The following BRSK1 variants were observed in gnomAD, a reference collection of about 807,000 sequenced individuals.
BRSK1 encodes the protein BR serine/threonine kinase 1.
In BRSK1, 17 loss-of-function variants were observed where a neutral mutation model predicts 86.2. That is an observed-to-expected ratio of 0.20 (90% CI 0.14 to 0.30). The LOEUF is 0.30. Among genes scored for constraint, BRSK1 ranks in the 10% least tolerant of loss-of-function variants. The pLI, the probability that BRSK1 is intolerant of heterozygous loss-of-function variation, is 1.00. For missense variants in BRSK1, 719 were observed against 1,071.9 expected, an observed-to-expected ratio of 0.67 and a Z score of 4.60; for synonymous variants, 464 against 440.1, an observed-to-expected ratio of 1.05 and a Z score of -0.68.
chr19:55,293,863 T>C (rs1361784270), intron 4 of BRSK1, among the ~76,000 whole-genome samples, 154 bp from the exon 5 acceptor site: 1 of 152,120 alleles, frequency 6.6e-6, no homozygotes. Flanking sequence ...TAAAAATTTT[T>C]AAAAAGACCA....
chr19:55,288,927 C>G (rs186879621), intron 3 of BRSK1, among the ~76,000 whole-genome samples: 6 of 152,208 alleles, frequency 3.9e-5, no homozygotes, highest in African/African-American at 1.4e-4. Flanking sequence ...TGGGAGTTGT[C>G]GTCTATTGCC....
At position 55,303,228 on chromosome 19, in the gene BRSK1, A is replaced by AG. The variant is rs942284452; in HGVS notation, c.1029-82dup. ...TGGAACCATGGGCAGAAATACAGGG[A>AG]GCGGAGGAGACCTCCTCTGAGCATT... On this transcript the variant is annotated intron_variant, in intron 10 of 18. Coordinates refer to ENST00000309383, the MANE Select transcript of BRSK1 (RefSeq NM_032430.2). The surrounding 1 kb of genome is among the most constrained non-coding windows in gnomAD (Gnocchi z 5.1). The AG allele has an allele frequency of 3.7e-6, 4 of 1,078,730 alleles. No homozygotes were observed. In the African/African-American group the frequency reaches 6.2e-5, roughly 17 times the overall value. 66.8% of individuals were successfully genotyped at this position (1,078,730 alleles called of 1,614,324 possible).
At position 55,284,480 on chromosome 19, in the gene BRSK1, C is replaced by G; in HGVS notation, c.38C>G (p.Pro13Arg). ...GCCAAGGAGGGAGGTGGGGGCTCTC[C>G]CGCCTACCACCTCCCCCACCCCCAC... is the stretch of plus-strand genomic sequence containing the variant. Reference protein sequence around the residue: ...SGAKEGGGGSPAYHLPHPHPH... With the variant: ...SGAKEGGGGSRAYHLPHPHPH... Residue 13 changes from proline (P) to arginine (R), a missense_variant, in exon 1 of 19, where the codon CCC becomes CGC. Pro to Arg is a moderately radical substitution (Grantham distance 103). Transcript: ENST00000309383. 1 of 1,305,538 alleles carries G rather than the reference C, an allele frequency of 7.7e-7. No individual in the cohort carries two copies. The highest frequency in any genetic ancestry group is 1.0e-6 in the Non-Finnish European group (1 of 995,118). 80.9% of individuals were successfully genotyped at this position (1,305,538 alleles called of 1,614,324 possible).
chr19:55,293,584 G>A (rs1201653845), intron 4 of BRSK1, among the ~76,000 whole-genome samples: 4 of 151,614 alleles, frequency 2.6e-5, no homozygotes, highest in African/African-American at 9.7e-5. Context: ...AGGCCAAGGC[G>A]GGCGGATCAT....
chr19:55,288,310 T>C (rs529729157), intron 3 of BRSK1, among the ~76,000 whole-genome samples: 30 of 151,958 alleles, frequency 2.0e-4, no homozygotes, highest in Admixed American at 2.0e-3. Context: ...ACCCCGTCTC[T>C]ACAAAAAATA....
At position 55,305,480 on chromosome 19, in the gene BRSK1, G is replaced by C; in HGVS notation, c.1784G>C (p.Trp595Ser). The change falls in exon 16 of 19, where the codon TGG becomes TCG. Residue 595 changes from tryptophan to serine, a missense_variant. Trp to Ser is a radical substitution (Grantham distance 177). Around this residue, in one of 6 missense-constraint regions of BRSK1, gnomAD observed 180 missense variants for 259.4 expected, o/e 0.69. Transcript: ENST00000309383. The stretch of plus-strand genomic sequence containing the variant: ...CCACTCAGGCTGGCAAAACGCTCCT[G>C]GTTCGGGAACTTCATCTCCTTGGAC... ...ESSPELAKRS[W>S]FGNFISLDKE... 6.2e-7 allele frequency: 1 copy of C among 1,614,174 alleles called. No homozygotes were observed. The highest frequency in any genetic ancestry group is 8.5e-7 in the Non-Finnish European group (1 of 1,180,018).
chr19:55,288,444 A>G (rs2088353680), intron 3 of BRSK1, among the ~76,000 whole-genome samples: 1 of 143,984 alleles, frequency 6.9e-6, no homozygotes, highest in Non-Finnish European at 1.5e-5. Flanking sequence ...ACTGCATTCC[A>G]GCGTGGGCGA....
In BRSK1 at chr19:55,294,276, G is replaced by A. The variant is rs772127628; in HGVS notation, c.609+29G>A. 12 of 1,614,124 alleles carry A rather than the reference G, an allele frequency of 7.4e-6. No homozygotes were observed. Among genetic ancestry groups the A allele is most frequent in the South Asian group, 3.3e-5 (3 of 91,076 alleles). ...AGTGAGGGGCGGATAGAGGGGAGAGGGGTGGAGGCAGCAGTGAGGAGCGAT... is the reference window on the plus strand; with the variant it reads ...AGTGAGGGGCGGATAGAGGGGAGAGAGGTGGAGGCAGCAGTGAGGAGCGAT... On this transcript the variant is annotated intron_variant, in intron 6 of 18. Coordinates refer to ENST00000309383, the MANE Select transcript of BRSK1 (RefSeq NM_032430.2). The surrounding 1 kb of genome is among the most constrained non-coding windows in gnomAD (Gnocchi z 4.9).
intron 7 of BRSK1, among the ~76,000 whole-genome samples, chr19:55,299,530 C>T (rs979334530): frequency 2.0e-5 from 3 of 151,622 alleles, no homozygotes; most frequent in Non-Finnish European, 2.9e-5. Context: ...GGATTACAGG[C>T]GCCCGCCACT....
Position 55,303,273 on chromosome 19 carries a change from C to T in BRSK1, c.1029-38C>T, listed in dbSNP as rs1160917513. The T allele has an allele frequency of 6.5e-7, 1 of 1,533,808 alleles. No individual in the cohort carries two copies. Among genetic ancestry groups the T allele is most frequent in the African/African-American group, 1.4e-5 (1 of 73,292 alleles). ...AGCATTGATGTTGGACCTCAGCCCT[C>T]TGCTACCTCTTTCCACCTTTCCCAC... On this transcript the variant is annotated intron_variant, in intron 10 of 18. Transcript: ENST00000309383. This position sits in a 1 kb window ranked among gnomAD's most constrained non-coding sequence, Gnocchi z 5.1.
At chr19:55,295,568 C>A (rs1405503188) in intron 7 of BRSK1, among the ~76,000 whole-genome samples, 1 of 152,182 alleles carries the variant, frequency 6.6e-6, no homozygotes, top group South Asian at 2.1e-4. Flanking sequence ...ATGGGATAGT[C>A]TCCAGGAAGA....
rs536845893 is a variant in BRSK1, at chr19:55,303,033, A to G, written c.1028+166A>G. On this transcript the variant is annotated intron_variant, in intron 10 of 18. Coordinates refer to ENST00000309383, the MANE Select transcript of BRSK1 (RefSeq NM_032430.2). This position sits in a 1 kb window ranked among gnomAD's most constrained non-coding sequence, Gnocchi z 5.1. ...CCAGCGGAGAAAACGGCCCAGAAAC[A>G]CGCTGAGAAAGTATTAATAGATGCT... The G allele has an allele frequency of 1.2e-6, 1 of 823,846 alleles. No individual in the cohort carries two copies. Among genetic ancestry groups the G allele is most frequent in the Admixed American group, 2.9e-5 (1 of 34,236 alleles). The allele number at this position is 823,846 out of a possible 1,614,324, so 51.0% of individuals were successfully genotyped here. A position where few individuals can be genotyped will look rare whatever the true frequency, so the allele number is the denominator to read the frequency against.
chr19:55,312,443 C>G lies in BRSK1; in HGVS notation c.*375C>G, dbSNP rs560400837. 97 of 186,632 alleles carry G rather than the reference C, an allele frequency of 5.2e-4. No homozygotes were observed. Among genetic ancestry groups the G allele is most frequent in the Middle Eastern group, 3.9e-3 (2 of 516 alleles). The allele number at this position is 186,632 out of a possible 1,614,324, so 11.6% of individuals were successfully genotyped here. On this transcript the variant is annotated 3_prime_UTR_variant, in exon 19 of 19. Transcript: ENST00000309383. ...GGGCCCCTCCTCCCCTGGTCCTCCC[C>G]CCACGACCTTCTGTACGGATTTGCT...
chr19:55,304,800 G>A lies in BRSK1; in HGVS notation c.1597G>A (p.Gly533Arg), dbSNP rs922321204. ...TPRASPTGTP[G>R]TTPPPSPGGG... is the part of the protein sequence containing the mutation. ...CCGGGCCAGTCCCACCGGGACCCCG[G>A]GGACAACACCACCCCCCAGCCCCGG... The change falls in exon 14 of 19, where the codon GGG (glycine) becomes AGG (arginine). Residue 533 changes from glycine (G) to arginine (R), a missense_variant. Physicochemically the swap from Gly to Arg is moderately radical, Grantham distance 125 (BLOSUM62 -2). Around this residue, in one of 6 missense-constraint regions of BRSK1, gnomAD observed 143 missense variants for 120.1 expected, o/e 1.19. Transcript: ENST00000309383. This position sits in a 1 kb window ranked among gnomAD's most constrained non-coding sequence, Gnocchi z 5.2. The A allele has an allele frequency of 1.3e-6, 2 of 1,572,224 alleles. No homozygotes were observed. Among genetic ancestry groups the A allele is most frequent in the Admixed American group, 1.9e-5 (1 of 53,658 alleles).
In BRSK1 at chr19:55,302,797, C is replaced by T; in HGVS notation, c.958C>T (p.Leu320=). The T allele has an allele frequency of 1.2e-6, 2 of 1,613,898 alleles. No individual in the cohort carries two copies. Among genetic ancestry groups the T allele is most frequent in the East Asian group, 2.2e-5 (1 of 44,880 alleles). The change falls in exon 10 of 19, where the codon CTA becomes TTA. Residue 320 remains leucine, a synonymous_variant. Transcript: ENST00000309383. This position sits in a 1 kb window ranked among gnomAD's most constrained non-coding sequence, Gnocchi z 6.3. ...CAACGGAGAGCTGGACCCCGACGTC[C>T]TAGAGAGCATGGCATCACTGGGCTG... is the stretch of plus-strand genomic sequence containing the variant. ...PSNGELDPDV[L]ESMASLGCFR... is the part of the protein sequence containing the mutation.
chr19:55,299,726 A>C lies in BRSK1; in HGVS notation c.679-1786A>C, dbSNP rs1600183017. Among the ~76,000 whole-genome samples the C allele has an allele frequency of 2.6e-5, 4 of 152,068 alleles. No homozygotes were observed. The East Asian group carries it at 7.7e-4, about 29-fold the overall frequency. On this transcript the variant is annotated intron_variant, in intron 7 of 18. Transcript: ENST00000309383. ...TAATCCAGACCGTACCCTTCCTGGCAGGATCATTATGTCCGTTTCACAGAG... is the reference window on the plus strand; with the variant it reads ...TAATCCAGACCGTACCCTTCCTGGCCGGATCATTATGTCCGTTTCACAGAG...
In BRSK1 at chr19:55,302,766, G is replaced by C. The variant is rs138976142; in HGVS notation, c.927G>C (p.Leu309=). The C allele has an allele frequency of 6.2e-7, 1 of 1,613,796 alleles. No homozygotes were observed. The highest frequency in any genetic ancestry group is 8.5e-7 in the Non-Finnish European group (1 of 1,179,940). ...APGRRVAMRS[L]PSNGELDPDV... ...GCCGCCGGGTAGCCATGCGGAGCCT[G>C]CCATCCAACGGAGAGCTGGACCCCG... Residue 309 remains leucine (L), a synonymous_variant, in exon 10 of 19, where the codon CTG becomes CTC. Transcript: ENST00000309383. The surrounding 1 kb of genome is among the most constrained non-coding windows in gnomAD (Gnocchi z 6.3).
Position 55,284,008 on chromosome 19 carries a change from T to C in BRSK1, c.-435T>C. The C allele has an allele frequency of 1.6e-6, 2 of 1,237,912 alleles. No individual in the cohort carries two copies. Among genetic ancestry groups the C allele is most frequent in the Non-Finnish European group, 2.0e-6 (2 of 992,848 alleles). The allele number at this position is 1,237,912 out of a possible 1,614,324, so 76.7% of individuals were successfully genotyped here. ...GGCCCGGAGTCCCCGGATGGTGATG[T>C]CAGCGTGCCGGAGAGAAAGGACGAG... On this transcript the variant is annotated 5_prime_UTR_variant, in exon 1 of 19. Coordinates refer to ENST00000309383, the MANE Select transcript of BRSK1 (RefSeq NM_032430.2).
In BRSK1 at chr19:55,293,503, AT is replaced by A. The variant is rs2088439482; in HGVS notation, c.459-513del. On this transcript the variant is annotated intron_variant, in intron 4 of 18. Transcript: ENST00000309383. ...GGTGATAGAATGAGACTCCATCTCA[AT>A]AAATAAATAAATAAATAAATAAATA... Among the ~76,000 whole-genome samples the A allele has an allele frequency of 2.0e-5, 3 of 148,422 alleles. No individual in the cohort carries two copies. In the East Asian group the frequency reaches 6.1e-4, roughly 30 times the overall value.
Sources: gnomAD v4.1 joint callset for allele counts (sites outside exome capture counted in the v4.1 genomes callset) on GRCh38, gnomAD v4.1.1 for gene constraint, gnomAD v4.1.1 regional missense constraint, Gnocchi (gnomAD v3.1) non-coding constraint, MANE v1.5 for transcripts, NCBI Gene and HGNC (gene_info 2026-07-23, HGNC 2026-07-21) for gene names.